The following FSBP variants were observed in gnomAD, a reference collection of about 807,000 sequenced individuals.
FSBP encodes fibrinogen silencer binding protein.
A neutral mutation model predicts 24.6 loss-of-function variants in FSBP; 18 were observed. The ratio of observed to expected loss-of-function variants is 0.73; its 90% CI spans 0.51 to 1.08. The LOEUF (loss-of-function observed/expected upper bound fraction) is 1.08, where lower values mean the gene tolerates loss of function less well. Ranked by LOEUF, FSBP falls within the 50% of genes least tolerant of loss-of-function variation. FSBP has a pLI of 0.00. For missense variants in FSBP, 305 were observed against 347.6 expected (o/e 0.88, Z 0.98); for synonymous variants, 110 against 125.8 (o/e 0.87, Z 0.84).
Position 94,429,141 on chromosome 8 carries a change from T to TC in FSBP, c.*2989_*2990insG, listed in dbSNP as rs1812019352. ...AACTCAAAGAGTGTGATTCTGGTGT[T>TC]TAAAAATATGTAAAAATAGGTTTCT... On this transcript the variant is annotated 3_prime_UTR_variant, in exon 2 of 2. Coordinates refer to ENST00000481490, the MANE Select transcript of FSBP (RefSeq NM_001256141.2). 1.0e-6 allele frequency: 1 copy of TC among 981,180 alleles called. No individual in the cohort carries two copies. Among genetic ancestry groups the TC allele is most frequent in the Non-Finnish European group, 1.2e-6 (1 of 826,170 alleles). 60.8% of individuals were successfully genotyped at this position (981,180 alleles called of 1,614,324 possible). A position where few individuals can be genotyped will look rare whatever the true frequency, so the allele number is the denominator to read the frequency against.
rs985497124 is a variant in FSBP at position 94,429,431 on chromosome 8, C to T, written c.*2700G>A. On this transcript the variant is annotated 3_prime_UTR_variant, in exon 2 of 2. Coordinates refer to ENST00000481490, the MANE Select transcript of FSBP (RefSeq NM_001256141.2). The stretch of plus-strand genomic sequence containing the variant: ...AGATCTCTTTTCTAGAAACATCTCA[C>T]AGAATTAATGTTCCACAGAACACAC... 1 of 924,304 alleles carries T rather than the reference C, an allele frequency of 1.1e-6. No homozygotes were observed. Among genetic ancestry groups the T allele is most frequent in the Admixed American group, 6.2e-5 (1 of 16,182 alleles). The allele number at this position is 924,304 out of a possible 1,614,324, so 57.3% of individuals were successfully genotyped here. A position where few individuals can be genotyped will look rare whatever the true frequency, so the allele number is the denominator to read the frequency against.
Position 94,428,422 on chromosome 8 carries a change from T to TGA in FSBP, c.*3708_*3709insTC, listed in dbSNP as rs1053291164. The TGA allele has an allele frequency of 1.7e-6, 1 of 584,306 alleles. No homozygotes were observed. The highest frequency in any genetic ancestry group is 2.0e-5 in the African/African-American group (1 of 49,638). The allele number at this position is 584,306 out of a possible 1,614,324, so 36.2% of individuals were successfully genotyped here. The stretch of plus-strand genomic sequence containing the variant: ...CCCCTACCCCATCAAGATCCACAGA[T>TGA]ACTCAAGTCCCTTATATAAAATGTT... On this transcript the variant is annotated 3_prime_UTR_variant, in exon 2 of 2. Transcript: ENST00000481490.
At chr8:94,432,700 G>GA (rs1033718962) in intron 1 of FSBP, 44 bp from the exon 2 acceptor site, 1 of 1,401,052 alleles carries the variant, frequency 7.1e-7, no homozygotes. Flanking sequence ...ATCAAATGAA[G>GA]AAAAAGTGTA....
chr8:94,436,908 A>G lies in FSBP; in HGVS notation c.-40T>C, dbSNP rs1301786307. On this transcript the variant is annotated 5_prime_UTR_variant, in exon 1 of 2. The change abolishes an upstream ATG in the 5' untranslated region. Transcript: ENST00000481490. The stretch of plus-strand genomic sequence containing the variant: ...TAAGTAGGCAGTTTCTGAAACCACC[A>G]TGCAGCCTTCAGCTCTGCTCAGCTC... 1 of 1,485,950 alleles carries G rather than the reference A, an allele frequency of 6.7e-7. No homozygotes were observed. Among genetic ancestry groups the G allele is most frequent in the Non-Finnish European group, 8.9e-7 (1 of 1,120,652 alleles). The allele number at this position is 1,485,950 out of a possible 1,614,324, so 92.0% of individuals were successfully genotyped here. A position where few individuals can be genotyped will look rare whatever the true frequency, so the allele number is the denominator to read the frequency against.
At position 94,432,672 on chromosome 8, in the gene FSBP, A is replaced by C; in HGVS notation, c.375-16T>G. 3 of 1,470,438 alleles carry C rather than the reference A, an allele frequency of 2.0e-6. No individual in the cohort carries two copies. The highest frequency in any genetic ancestry group is 1.5e-5 in the South Asian group (1 of 67,830). The allele number at this position is 1,470,438 out of a possible 1,614,324, so 91.1% of individuals were successfully genotyped here. On this transcript the variant is annotated splice_polypyrimidine_tract_variant and intron_variant, in intron 1 of 1. Transcript: ENST00000481490. The stretch of plus-strand genomic sequence containing the variant: ...CAAGTTTGCACTATAGCACACAAAA[A>C]AGCATTATAATATGTAAATCAAATG...
In FSBP at chr8:94,431,208, T is replaced by C. The variant is rs979413600; in HGVS notation, c.*923A>G. 2.1e-6 allele frequency: 2 copies of C among 939,484 alleles called. No individual in the cohort carries two copies. Among genetic ancestry groups the C allele is most frequent in the Non-Finnish European group, 2.5e-6 (2 of 788,580 alleles). 58.2% of individuals were successfully genotyped at this position (939,484 alleles called of 1,614,324 possible). On this transcript the variant is annotated 3_prime_UTR_variant, in exon 2 of 2. Transcript: ENST00000481490. ...AACAATACTTATAAAATACATAAAA[T>C]TTTAATTTTGTTCATTCTGATTTTT...
Position 94,431,471 on chromosome 8 carries a change from T to C in FSBP, c.*660A>G. 1.0e-6 allele frequency: 1 copy of C among 982,450 alleles called. No individual in the cohort carries two copies. The highest frequency in any genetic ancestry group is 4.7e-5 in the South Asian group (1 of 21,220). The allele number at this position is 982,450 out of a possible 1,614,324, so 60.9% of individuals were successfully genotyped here. On this transcript the variant is annotated 3_prime_UTR_variant, in exon 2 of 2. Transcript: ENST00000481490. ...TAATATTTAAATCTAGAGAATGTTT[T>C]AGTGGATATTTACTTCTATCGAATA...
In FSBP at chr8:94,429,917, G is replaced by T. The variant is rs148703234; in HGVS notation, c.*2214C>A. The T allele has an allele frequency of 1.4e-3, 1,382 of 985,248 alleles. 20 individuals are homozygous for T. In the African/African-American group the frequency reaches 0.022, roughly 16 times the overall value. 61.0% of individuals were successfully genotyped at this position (985,248 alleles called of 1,614,324 possible). A position where few individuals can be genotyped will look rare whatever the true frequency, so the allele number is the denominator to read the frequency against. On this transcript the variant is annotated 3_prime_UTR_variant, in exon 2 of 2. Transcript: ENST00000481490. ...TTTAAGTTCTTCCAATACAATGCCT[G>T]TCCCTAAATGCCACTCCTCCTAAAT...
chr8:94,427,767 CCAT>C lies in FSBP; in HGVS notation c.*4361_*4363del, dbSNP rs944687405. The C allele has an allele frequency of 1.0e-6, 1 of 964,786 alleles. No homozygotes were observed. The highest frequency in any genetic ancestry group is 1.2e-6 in the Non-Finnish European group (1 of 811,436). The allele number at this position is 964,786 out of a possible 1,614,324, so 59.8% of individuals were successfully genotyped here. A position where few individuals can be genotyped will look rare whatever the true frequency, so the allele number is the denominator to read the frequency against. On this transcript the variant is annotated 3_prime_UTR_variant, in exon 2 of 2. Coordinates refer to ENST00000481490, the MANE Select transcript of FSBP (RefSeq NM_001256141.2). ...GAACATGTGTTAACAAAGCATTTAA[CCAT>C]CATTATCTACAGTATATATTAAACA...
At chr8:94,435,318 A>ATAAGCAGTATCAT (rs2130117173) in intron 1 of FSBP, among the ~76,000 whole-genome samples, 1 of 152,226 alleles carries the variant, frequency 6.6e-6, no homozygotes, top group East Asian at 1.9e-4. Flanking sequence ...TCAAGTAGAA[A>ATAAGCAGTATCAT]TAAGCAGTAT....
Position 94,430,008 on chromosome 8 carries a change from C to T in FSBP, c.*2123G>A, listed in dbSNP as rs560224432. ...AATGGCTTCTCATTGTACGTTAAGT[C>T]TGACTCATTAAAAATAGTATTTAGG... On this transcript the variant is annotated 3_prime_UTR_variant, in exon 2 of 2. Coordinates refer to ENST00000481490, the MANE Select transcript of FSBP (RefSeq NM_001256141.2). The T allele has an allele frequency of 7.8e-5, 77 of 985,158 alleles. No individual in the cohort carries two copies. Among genetic ancestry groups the T allele is most frequent in the Middle Eastern group, 5.2e-4 (1 of 1,936 alleles). 61.0% of individuals were successfully genotyped at this position (985,158 alleles called of 1,614,324 possible). A position where few individuals can be genotyped will look rare whatever the true frequency, so the allele number is the denominator to read the frequency against.
Position 94,429,768 on chromosome 8 carries a change from T to C in FSBP, c.*2363A>G. 3.0e-6 allele frequency: 3 copies of C among 984,934 alleles called. No individual in the cohort carries two copies. The highest frequency in any genetic ancestry group is 3.6e-6 in the Non-Finnish European group (3 of 829,478). 61.0% of individuals were successfully genotyped at this position (984,934 alleles called of 1,614,324 possible). On this transcript the variant is annotated 3_prime_UTR_variant, in exon 2 of 2. Coordinates refer to ENST00000481490, the MANE Select transcript of FSBP (RefSeq NM_001256141.2). Reference sequence around the variant, plus strand: ...AGGACATCTTTATAATTAAAGAAGTTAACTCTACCAGCTATAAAACACCCT... The same window carrying C: ...AGGACATCTTTATAATTAAAGAAGTCAACTCTACCAGCTATAAAACACCCT...
In FSBP at chr8:94,430,272, C is replaced by T; in HGVS notation, c.*1859G>A. 1.1e-6 allele frequency: 1 copy of T among 889,450 alleles called. No individual in the cohort carries two copies. Among genetic ancestry groups the T allele is most frequent in the Non-Finnish European group, 1.3e-6 (1 of 745,198 alleles). 55.1% of individuals were successfully genotyped at this position (889,450 alleles called of 1,614,324 possible). A position where few individuals can be genotyped will look rare whatever the true frequency, so the allele number is the denominator to read the frequency against. The stretch of plus-strand genomic sequence containing the variant: ...ATTGCAGTGAGCCAACATCGCACCA[C>T]TGCACTCCAACCTAGGTGACAAAGC... On this transcript the variant is annotated 3_prime_UTR_variant, in exon 2 of 2. Coordinates refer to ENST00000481490, the MANE Select transcript of FSBP (RefSeq NM_001256141.2).
chr8:94,432,784 A>T (rs1038835849), intron 1 of FSBP, 128 bp from the exon 2 acceptor site: 1 of 1,217,284 alleles, frequency 8.2e-7, no homozygotes, highest in Non-Finnish European at 1.1e-6. Context: ...CAAAATAAAA[A>T]AAAATCTTAA....
In FSBP at chr8:94,429,709, A is replaced by AC; in HGVS notation, c.*2421dup. The AC allele has an allele frequency of 1.0e-6, 1 of 983,704 alleles. No homozygotes were observed. 60.9% of individuals were successfully genotyped at this position (983,704 alleles called of 1,614,324 possible). On this transcript the variant is annotated 3_prime_UTR_variant, in exon 2 of 2. Transcript: ENST00000481490. ...TAGCACAGATTAAAGAGAAAAGGTA[A>AC]CATTGTCAAAAGGATATATCAAGTT...
chr8:94,436,932 T>A lies in FSBP; in HGVS notation c.-64A>T. The A allele has an allele frequency of 6.9e-7, 1 of 1,456,334 alleles. No individual in the cohort carries two copies. The allele number at this position is 1,456,334 out of a possible 1,614,324, so 90.2% of individuals were successfully genotyped here. On this transcript the variant is annotated 5_prime_UTR_variant, in exon 1 of 2. Coordinates refer to ENST00000481490, the MANE Select transcript of FSBP (RefSeq NM_001256141.2). ...CATGCAGCCTTCAGCTCTGCTCAGC[T>A]CTTTTCACAAACAGAAAAAGATCAG...
chr8:94,435,179 T>C (rs3136426), intron 1 of FSBP, among the ~76,000 whole-genome samples: 4,789 of 152,148 alleles, frequency 0.031, 123 homozygotes, highest in Non-Finnish European at 0.048. Context: ...CGTAGTTTTC[T>C]GGATATCTAG....
In FSBP at chr8:94,428,921, C is replaced by T. The variant is rs1812011542; in HGVS notation, c.*3210G>A. The T allele has an allele frequency of 8.1e-6, 8 of 984,820 alleles. No individual in the cohort carries two copies. The highest frequency in any genetic ancestry group is 8.4e-6 in the Non-Finnish European group (7 of 829,502). The allele number at this position is 984,820 out of a possible 1,614,324, so 61.0% of individuals were successfully genotyped here. ...TACTCTGTAAGATAATAAACAGCCT[C>T]GGAAAAGGATTCTATGGTCAAATAA... On this transcript the variant is annotated 3_prime_UTR_variant, in exon 2 of 2. Transcript: ENST00000481490.
At chr8:94,436,334 C>A (rs1479554581) in intron 1 of FSBP, among the ~76,000 whole-genome samples, 161 bp downstream of exon 1, 1 of 152,142 alleles carries the variant, frequency 6.6e-6, no homozygotes, top group Non-Finnish European at 1.5e-5. Context: ...AAAAATTCCT[C>A]ATAGCCTCAC....
Sources: allele counts gnomAD v4.1 joint callset (sites outside exome capture counted in the v4.1 genomes callset), GRCh38; gene constraint gnomAD v4.1.1; transcripts MANE v1.5; gene names NCBI Gene and HGNC (gene_info 2026-07-23, HGNC 2026-07-21).